Variants in SOCS6 observed in about 807,000 individuals in gnomAD.
The protein encoded by SOCS6 is suppressor of cytokine signaling 6, also known as STAT induced STAT inhibitor-4.
SOCS6 carries 5 observed loss-of-function variants against 27.7 expected under a neutral mutation model. That is an observed-to-expected ratio of 0.18 (90% CI 0.09 to 0.38). The LOEUF (loss-of-function observed/expected upper bound fraction) is 0.38, where lower values mean the gene tolerates loss of function less well. Ranked by LOEUF, SOCS6 falls within the 10% of genes least tolerant of loss-of-function variation. The probability of loss-of-function intolerance (pLI) is 1.00; values close to 1 mark genes in which losing one functional copy is unlikely to be tolerated. For missense variants in SOCS6, 595 were observed against 688.1 expected (o/e 0.86, Z 1.51); for synonymous variants, 271 against 260.0 (o/e 1.04, Z -0.41).
chr18:70,306,270 C>T (rs1425157330), intron 1 of SOCS6, among the ~76,000 whole-genome samples: 2 of 151,422 alleles, frequency 1.3e-5, no homozygotes, highest in Admixed American at 1.3e-4. Flanking sequence ...GTCAGGAGAT[C>T]AAGACCATCC....
chr18:70,310,279 G>GTTT (rs2062385251), intron 1 of SOCS6, among the ~76,000 whole-genome samples: 1 of 124,032 alleles, frequency 8.1e-6, no homozygotes. Context: ...TTTCATAAAT[G>GTTT]GTTTTTTTTT....
intron 1 of SOCS6, among the ~76,000 whole-genome samples, chr18:70,318,214 C>T (rs781681188): frequency 3.9e-5 from 6 of 151,962 alleles, no homozygotes; most frequent in East Asian, 1.9e-4. Context: ...TTTGCCTGTA[C>T]GTGATTCTGC....
intron 1 of SOCS6, among the ~76,000 whole-genome samples, chr18:70,300,438 A>T (rs920947642): frequency 3.3e-5 from 5 of 152,186 alleles, no homozygotes; most frequent in African/African-American, 1.2e-4. Context: ...CTCATTAATC[A>T]ATTCTTATAA....
chr18:70,317,881 C>T (rs55634844), intron 1 of SOCS6, among the ~76,000 whole-genome samples: 42,930 of 152,044 alleles, frequency 0.28, 7,161 homozygotes, highest in East Asian at 0.73. Flanking sequence ...GCCCTACACT[C>T]GGTCACCCAG....
chr18:70,312,819 G>C (rs1042836705), intron 1 of SOCS6, among the ~76,000 whole-genome samples: 6 of 134,258 alleles, frequency 4.5e-5, no homozygotes. Flanking sequence ...TGTTGCCCAG[G>C]CTGGAGTGCA....
intron 1 of SOCS6, among the ~76,000 whole-genome samples, chr18:70,302,993 CT>C (rs1568598306): frequency 6.6e-6 from 1 of 151,298 alleles, no homozygotes; most frequent in African/African-American, 2.4e-5. Context: ...CAACCATTTC[CT>C]TTAAAAAAAA....
rs1431741063 is a variant in SOCS6, at chr18:70,327,567, T to C, written c.*1291T>C. 6.0e-6 allele frequency: 1 copy of C among 166,928 alleles called. No homozygotes were observed. Among genetic ancestry groups the C allele is most frequent in the African/African-American group, 2.4e-5 (1 of 41,444 alleles). 10.3% of individuals were successfully genotyped at this position (166,928 alleles called of 1,614,324 possible). On this transcript the variant is annotated 3_prime_UTR_variant, in exon 2 of 2. Coordinates refer to ENST00000397942, the MANE Select transcript of SOCS6 (RefSeq NM_004232.4). Reference sequence around the variant, plus strand: ...AAAATTTAGCTAAGTCTTAAGTAATTTGCCGTTGCTAATAATTTTATCTCC... The same window carrying C: ...AAAATTTAGCTAAGTCTTAAGTAATCTGCCGTTGCTAATAATTTTATCTCC...
intron 1 of SOCS6, among the ~76,000 whole-genome samples, chr18:70,312,771 A>ATTTTTTT (rs375997089): frequency 3.3e-5 from 4 of 121,980 alleles, no homozygotes; most frequent in Admixed American, 1.0e-4. Flanking sequence ...AATTCTTTGG[A>ATTTTTTT]TTTTTTTTTT....
Position 70,326,306 on chromosome 18 carries a change from G to T in SOCS6, c.*30G>T. The T allele has an allele frequency of 6.5e-7, 1 of 1,544,232 alleles. No individual in the cohort carries two copies. The highest frequency in any genetic ancestry group is 1.2e-5 in the South Asian group (1 of 82,668). ...TTGAGAACCCTGCATCTTGCACTTT[G>T]GGAATAAGAACAAGAGATTGAAATA... On this transcript the variant is annotated 3_prime_UTR_variant, in exon 2 of 2. Coordinates refer to ENST00000397942, the MANE Select transcript of SOCS6 (RefSeq NM_004232.4).
At chr18:70,293,858 T>C (rs2062311395) in intron 1 of SOCS6, among the ~76,000 whole-genome samples, 1 of 152,176 alleles carries the variant, frequency 6.6e-6, no homozygotes, top group Non-Finnish European at 1.5e-5. Context: ...TTTGCGGGGC[T>C]GAGGCGGGTG....
chr18:70,303,307 T>C (rs1301548133), intron 1 of SOCS6, among the ~76,000 whole-genome samples: 1 of 152,358 alleles, frequency 6.6e-6, no homozygotes. Flanking sequence ...TGTGCCAGGA[T>C]TTTCTTTACT....
At chr18:70,291,300 C>G (rs1346748099) in intron 1 of SOCS6, among the ~76,000 whole-genome samples, 1 of 152,048 alleles carries the variant, frequency 6.6e-6, no homozygotes, top group Non-Finnish European at 1.5e-5. Context: ...TGGGGTCTTG[C>G]TGTGTTGCCG....
intron 1 of SOCS6, among the ~76,000 whole-genome samples, chr18:70,297,432 A>T (rs1025042471): frequency 3.3e-5 from 5 of 152,066 alleles, no homozygotes; most frequent in African/African-American, 7.2e-5. Context: ...GGAAAACCAG[A>T]TCTATTTTTT....
At chr18:70,299,852 A>G (rs1366450434) in intron 1 of SOCS6, among the ~76,000 whole-genome samples, 2 of 152,272 alleles carry the variant, frequency 1.3e-5, no homozygotes, top group East Asian at 3.9e-4. Flanking sequence ...TTTATATAAC[A>G]CTTGTGTTAG....
intron 1 of SOCS6, among the ~76,000 whole-genome samples, chr18:70,301,932 A>G (rs2062349949): frequency 6.6e-6 from 1 of 152,188 alleles, no homozygotes; most frequent in African/African-American, 2.4e-5. Context: ...GCTCTGTGCG[A>G]TGATTGGTAG....
chr18:70,315,292 C>T (rs2062407150), intron 1 of SOCS6, among the ~76,000 whole-genome samples: 1 of 152,196 alleles, frequency 6.6e-6, no homozygotes, highest in African/African-American at 2.4e-5. Context: ...TTGTCCTCCC[C>T]TTTTTTCTTT....
intron 1 of SOCS6, among the ~76,000 whole-genome samples, chr18:70,322,880 ACAATT>A (rs1468411530): frequency 6.6e-6 from 1 of 152,134 alleles, no homozygotes; most frequent in Non-Finnish European, 1.5e-5. Context: ...CTAAAAGGGG[ACAATT>A]GTCAGGTTCT....
At position 70,327,631 on chromosome 18, in the gene SOCS6, T is replaced by A. The variant is rs1600173440; in HGVS notation, c.*1355T>A. The A allele has an allele frequency of 5.4e-5, 9 of 167,160 alleles. No homozygotes were observed. The South Asian group carries it at 1.7e-3, about 31-fold the overall frequency. 10.4% of individuals were successfully genotyped at this position (167,160 alleles called of 1,614,324 possible). A position where few individuals can be genotyped will look rare whatever the true frequency, so the allele number is the denominator to read the frequency against. On this transcript the variant is annotated 3_prime_UTR_variant, in exon 2 of 2. Transcript: ENST00000397942. ...TGGGGAGAGATGTTATATTCAATAA[T>A]TTTTAGTTATTTTGTAATGCAGAGT...
chr18:70,325,009 A>G lies in SOCS6; in HGVS notation c.341A>G (p.Lys114Arg). Residue 114 changes from lysine (K) to arginine (R), a missense_variant, in exon 2 of 2, where the codon AAA (lysine) becomes AGA (arginine). Coordinates refer to ENST00000397942, the MANE Select transcript of SOCS6 (RefSeq NM_004232.4). This position sits in a 1 kb window ranked among gnomAD's most constrained non-coding sequence, Gnocchi z 6.3. ...FSSSSAPIVFKDVRAQRPIRS... is the reference protein window; with the variant it reads ...FSSSSAPIVFRDVRAQRPIRS... ...TCCTCCTCAGCACCCATAGTCTTTA[A>G]AGACGTGAGAGCTCAGAGGCCGATA... 1 of 1,614,152 alleles carries G rather than the reference A, an allele frequency of 6.2e-7. No individual in the cohort carries two copies. The highest frequency in any genetic ancestry group is 1.1e-5 in the South Asian group (1 of 91,082).
Sources: allele counts gnomAD v4.1 joint callset (sites outside exome capture counted in the v4.1 genomes callset), GRCh38; gene constraint gnomAD v4.1.1; non-coding constraint Gnocchi (gnomAD v3.1); transcripts MANE v1.5; gene names NCBI Gene and HGNC (gene_info 2026-07-23, HGNC 2026-07-21).